Variants in ZER1 observed in about 807,000 individuals in gnomAD.
ZER1 encodes protein zer-1 homolog.
In ZER1, 11 loss-of-function variants were observed where a neutral mutation model predicts 78.8. The ratio of observed to expected loss-of-function variants is 0.14; its 90% CI spans 0.09 to 0.23. The LOEUF (loss-of-function observed/expected upper bound fraction) is 0.23. ZER1 is among the 10% of genes least tolerant of loss of function. ZER1 has a pLI of 1.00. For synonymous variants in ZER1, 400 were observed against 407.0 expected (o/e 0.98, Z 0.21); for missense variants, 588 against 996.9 (o/e 0.59, Z 5.52).
chr9:128,745,204 T>TC (rs1863446533), intron 8 of ZER1, among the ~76,000 whole-genome samples: 2 of 149,876 alleles, frequency 1.3e-5, no homozygotes, highest in African/African-American at 2.5e-5. Flanking sequence ...TTTGGGTTTT[T>TC]TTTTTTTTTT....
chr9:128,757,735 G>A lies in ZER1; in HGVS notation c.-94-2076C>T, dbSNP rs146091719. 1.2e-4 allele frequency among the ~76,000 whole-genome samples: 19 copies of A among 152,260 alleles called. No individual in the cohort carries two copies. The East Asian group carries it at 2.3e-3, about 19-fold the overall frequency. ...GGCAATACCTGGCATTGGGGAAGAC[G>A]GGGAACAGTGGGAAATCTCCCACAG... On this transcript the variant is annotated intron_variant, in intron 1 of 15. Coordinates refer to ENST00000291900, the MANE Select transcript of ZER1 (RefSeq NM_006336.4).
intron 8 of ZER1, among the ~76,000 whole-genome samples, chr9:128,743,819 C>A (rs960243719): frequency 1.3e-5 from 2 of 151,784 alleles, no homozygotes; most frequent in African/African-American, 2.4e-5. Flanking sequence ...CAACCTCCCC[C>A]TCCCGGGCTC....
Position 128,739,480 on chromosome 9 carries a change from C to T in ZER1, c.2042+451G>A, listed in dbSNP as rs1359492815. Among the ~76,000 whole-genome samples the T allele has an allele frequency of 2.7e-5, 4 of 145,846 alleles. No individual in the cohort carries two copies. The East Asian group carries it at 8.0e-4, about 29-fold the overall frequency. The stretch of plus-strand genomic sequence containing the variant: ...TTGCACCACTGCACTCCAGCCTGGG[C>T]GACAGAGCAAGACTCTGTCTCAAAA... On this transcript the variant is annotated intron_variant, in intron 13 of 15. Coordinates refer to ENST00000291900, the MANE Select transcript of ZER1 (RefSeq NM_006336.4).
At chr9:128,742,820 G>A in intron 8 of ZER1, 75 bp from the exon 9 acceptor site, 6 of 1,435,324 alleles carry the variant, frequency 4.2e-6, no homozygotes, top group Non-Finnish European at 5.6e-6. Flanking sequence ...ACTATCTAGA[G>A]GTATGAGCTC....
In ZER1 at chr9:128,732,400, C is replaced by T. The variant is rs956787917; in HGVS notation, c.2244-1006G>A. Among the ~76,000 whole-genome samples, 1 of 152,186 alleles carries T rather than the reference C, an allele frequency of 6.6e-6. No individual in the cohort carries two copies. Among genetic ancestry groups the T allele is most frequent in the Non-Finnish European group, 1.5e-5 (1 of 68,034 alleles). The stretch of plus-strand genomic sequence containing the variant: ...ATTTTATTTTTTTGAGACAGAGTCT[C>T]GCTCTGTTGACCAGGCTGGAGTGCA... On this transcript the variant is annotated intron_variant, in intron 15 of 15. Transcript: ENST00000291900. The surrounding 1 kb of genome is among the most constrained non-coding windows in gnomAD (Gnocchi z 4.8).
In ZER1 at chr9:128,734,142, A is replaced by ATATAT. The variant is rs1372132455; in HGVS notation, c.2141-615_2141-614insATATA. 1.3e-3 allele frequency among the ~76,000 whole-genome samples: 25 copies of ATATAT among 19,644 alleles called. 4 individuals carry two copies. The highest frequency in any genetic ancestry group is 6.1e-3 in the South Asian group (2 of 330). The allele number at this position is 19,644 out of a possible 152,430, so 12.9% of individuals were successfully genotyped here. A position where few individuals can be genotyped will look rare whatever the true frequency, so the allele number is the denominator to read the frequency against. The stretch of plus-strand genomic sequence containing the variant: ...AACTCCGTCTCAAAAAAAAAAAAAA[A>ATATAT]AAATATATATATATATATATAAAAT... On this transcript the variant is annotated intron_variant, in intron 14 of 15. Transcript: ENST00000291900.
chr9:128,742,125 G>C (rs1182557260), intron 9 of ZER1, among the ~76,000 whole-genome samples: 1 of 152,246 alleles, frequency 6.6e-6, no homozygotes, highest in Non-Finnish European at 1.5e-5. Flanking sequence ...GCCATCAAAT[G>C]AGACCAGAAG....
At chr9:128,766,125 C>A (rs557498274) in intron 1 of ZER1, among the ~76,000 whole-genome samples, 1 of 151,606 alleles carries the variant, frequency 6.6e-6, no homozygotes, top group Admixed American at 6.6e-5. Flanking sequence ...CCAAGGCGGG[C>A]GGATCACGAG....
chr9:128,734,567 C>G (rs1409557752), intron 14 of ZER1, among the ~76,000 whole-genome samples: 2 of 151,698 alleles, frequency 1.3e-5, no homozygotes, highest in Non-Finnish European at 2.9e-5. Flanking sequence ...CTCTTGGGCT[C>G]AAACAATCCT....
rs1046720904 is a variant in ZER1 at position 128,751,805 on chromosome 9, C to T, written c.924-278G>A. 1.3e-5 allele frequency among the ~76,000 whole-genome samples: 2 copies of T among 152,220 alleles called. No individual in the cohort carries two copies. The highest frequency in any genetic ancestry group is 2.9e-5 in the Non-Finnish European group (2 of 68,048). ...ACATGGCACCTTTAGGTCTCACCAACAATCACAAAGGGACAAGCTCAACTG... is the reference window on the plus strand; with the variant it reads ...ACATGGCACCTTTAGGTCTCACCAATAATCACAAAGGGACAAGCTCAACTG... On this transcript the variant is annotated intron_variant, in intron 5 of 15. Transcript: ENST00000291900. This position sits in a 1 kb window ranked among gnomAD's most constrained non-coding sequence, Gnocchi z 5.4.
At chr9:128,734,538 T>G (rs554508529) in intron 14 of ZER1, among the ~76,000 whole-genome samples, 4 of 151,802 alleles carry the variant, frequency 2.6e-5, no homozygotes, top group Admixed American at 1.3e-4. Flanking sequence ...TGCGCTGTGT[T>G]GCCTGTGCTG....
chr9:128,751,566 C>T lies in ZER1; in HGVS notation c.924-39G>A. The T allele has an allele frequency of 1.3e-6, 2 of 1,582,752 alleles. No homozygotes were observed. Among genetic ancestry groups the T allele is most frequent in the Non-Finnish European group, 1.7e-6 (2 of 1,159,386 alleles). ...GTGCCGGTGTCAGTGGCTTGGGACC[C>T]AGGCCTGAGCTGGGCCTCCCCACTG... On this transcript the variant is annotated intron_variant, in intron 5 of 15. Coordinates refer to ENST00000291900, the MANE Select transcript of ZER1 (RefSeq NM_006336.4). The surrounding 1 kb of genome is among the most constrained non-coding windows in gnomAD (Gnocchi z 5.4).
At chr9:128,735,251 C>G in intron 14 of ZER1, 83 bp downstream of exon 14, 2 of 1,252,574 alleles carry the variant, frequency 1.6e-6, no homozygotes, top group South Asian at 2.9e-5. Context: ...AATTAATGCC[C>G]CCCTCCTGGA....
intron 1 of ZER1, among the ~76,000 whole-genome samples, chr9:128,761,575 C>T (rs1490678304): frequency 1.3e-5 from 2 of 149,772 alleles, no homozygotes; most frequent in Non-Finnish European, 3.0e-5. Context: ...CATGAGCCAC[C>T]ATGTCCAGCC....
chr9:128,735,758 C>T (rs10988106), intron 13 of ZER1, among the ~76,000 whole-genome samples: 35,665 of 38,228 alleles, frequency 0.93, 16,616 homozygotes, highest in South Asian at 0.97. Context: ...CACGTGTGAC[C>T]TGGTTTTTTT....
At chr9:128,759,232 A>T (rs1400146916) in intron 1 of ZER1, among the ~76,000 whole-genome samples, 2 of 147,778 alleles carry the variant, frequency 1.4e-5, no homozygotes, top group Non-Finnish European at 3.0e-5. Flanking sequence ...GTGCAGTGGC[A>T]CGATCTCAGC....
chr9:128,766,845 C>CAAAAA (rs1176953959), intron 1 of ZER1, among the ~76,000 whole-genome samples: 25 of 49,578 alleles, frequency 5.0e-4, no homozygotes, highest in South Asian at 1.4e-3. Flanking sequence ...GATTCCGTCT[C>CAAAAA]AAAAAAAAAA....
chr9:128,733,065 C>A, intron 15 of ZER1: 1 of 189,232 alleles, frequency 5.3e-6, no homozygotes, highest in Non-Finnish European at 1.1e-5. Context: ...ATGTATTTTA[C>A]CACACTGTGT....
intron 14 of ZER1, 83 bp from the exon 15 acceptor site, chr9:128,733,611 G>A (rs1259719235): frequency 7.9e-7 from 1 of 1,262,436 alleles, no homozygotes; most frequent in Admixed American, 2.0e-5. Context: ...TGTCTGTGAG[G>A]ACTATCCTGG....
Sources: gnomAD v4.1 joint callset for allele counts (sites outside exome capture counted in the v4.1 genomes callset) on GRCh38, gnomAD v4.1.1 for gene constraint, Gnocchi (gnomAD v3.1) non-coding constraint, MANE v1.5 for transcripts, NCBI Gene and HGNC (gene_info 2026-07-23, HGNC 2026-07-21) for gene names.